Variants in GPHN observed in about 807,000 individuals in gnomAD.
The protein encoded by GPHN is gephyrin.
A neutral mutation model predicts 95.5 loss-of-function variants in GPHN; 17 were observed. The observed-to-expected ratio is 0.18, with a 90% CI of 0.12 to 0.27. GPHN has a LOEUF of 0.27. Among genes scored for constraint, GPHN ranks in the 10% least tolerant of loss-of-function variants. The pLI, the probability that GPHN is intolerant of heterozygous loss-of-function variation, is 1.00. For synonymous variants in GPHN, 320 were observed against 322.5 expected, an observed-to-expected ratio of 0.99 and a Z score of 0.08; for missense variants, 660 against 978.1, an observed-to-expected ratio of 0.67 and a Z score of 4.34.
At chr14:66,760,858 A>T (rs1396050146) in intron 2 of GPHN, 30 of 653,542 alleles carry the variant, frequency 4.6e-5, no homozygotes, top group South Asian at 3.3e-4. Context: ...ATTTATAATG[A>T]ACAGATTGAA....
the GPHN span, among the ~76,000 whole-genome samples, chr14:67,272,571 C>T: frequency 6.6e-6 from 1 of 152,146 alleles, no homozygotes. Flanking sequence ...TGACTTCTTT[C>T]TCCTCCTCCT....
chr14:66,615,410 G>A (rs1177571842), intron 1 of GPHN, among the ~76,000 whole-genome samples: 1 of 150,814 alleles, frequency 6.6e-6, no homozygotes, highest in East Asian at 1.9e-4. Flanking sequence ...CGTTCTGACT[G>A]GCATGAGATG....
At chr14:67,489,945 A>G in the GPHN span, among the ~76,000 whole-genome samples, 2 of 151,466 alleles carry the variant, frequency 1.3e-5, no homozygotes, top group South Asian at 2.1e-4. Context: ...ATCTGAGACC[A>G]CGCCACTGCA....
chr14:67,047,351 T>TGTGA (rs1402278998), intron 10 of GPHN, among the ~76,000 whole-genome samples: 42 of 140,658 alleles, frequency 3.0e-4, no homozygotes, highest in African/African-American at 1.0e-3. Flanking sequence ...TGTGTGTGTG[T>TGTGA]GTGTGTGTGT....
chr14:67,522,756 C>T, the GPHN span, among the ~76,000 whole-genome samples: 1 of 152,124 alleles, frequency 6.6e-6, no homozygotes, highest in Non-Finnish European at 1.5e-5. Flanking sequence ...GACAGCCAAG[C>T]CTGGAGCGGG....
intron 3 of GPHN, among the ~76,000 whole-genome samples, chr14:66,797,930 T>C (rs2060215760): frequency 6.6e-6 from 1 of 151,982 alleles, no homozygotes; most frequent in African/African-American, 2.4e-5. Context: ...TTTCAGTTTT[T>C]CCCCATTCAT....
chr14:66,736,130 T>C (rs2072242860), intron 2 of GPHN, among the ~76,000 whole-genome samples: 1 of 152,222 alleles, frequency 6.6e-6, no homozygotes, highest in African/African-American at 2.4e-5. Context: ...ATTTTATTAC[T>C]GTAAATAAAC....
rs915306167 is a variant in GPHN at position 66,548,886 on chromosome 14, T to C, written c.64+40295T>C. On this transcript the variant is annotated intron_variant, in intron 1 of 22. Coordinates refer to ENST00000478722, the MANE Select transcript of GPHN (RefSeq NM_020806.5). ...GCAGAGAACATTTATTCTGAGAGATTTGTATATTATACTTCTGAGGATCTA... is the reference window on the plus strand; with the variant it reads ...GCAGAGAACATTTATTCTGAGAGATCTGTATATTATACTTCTGAGGATCTA... 2.0e-5 allele frequency among the ~76,000 whole-genome samples: 3 copies of C among 152,346 alleles called. No homozygotes were observed. In the East Asian group the frequency reaches 5.8e-4, roughly 29 times the overall value.
At position 67,062,571 on chromosome 14, in the gene GPHN, G is replaced by T. The variant is rs1291087988; in HGVS notation, c.1144+3785G>T. Among the ~76,000 whole-genome samples, 4 of 151,612 alleles carry T rather than the reference G, an allele frequency of 2.6e-5. No individual in the cohort carries two copies. In the East Asian group the frequency reaches 7.8e-4, roughly 30 times the overall value. On this transcript the variant is annotated intron_variant, in intron 11 of 22. Transcript: ENST00000478722. ...AGAGAAAATGCTGAAAGTGATTGTTGTGAAGGTCATAGACACAGGGAACTC... is the reference window on the plus strand; with the variant it reads ...AGAGAAAATGCTGAAAGTGATTGTTTTGAAGGTCATAGACACAGGGAACTC...
At chr14:67,529,378 G>A in the GPHN span, among the ~76,000 whole-genome samples, 4 of 152,162 alleles carry the variant, frequency 2.6e-5, no homozygotes, top group East Asian at 1.9e-4. Context: ...TAAAGCCTGT[G>A]CCCAGAGTTG....
At chr14:67,119,456 G>A (rs1447882385) in intron 16 of GPHN, among the ~76,000 whole-genome samples, 1 of 152,174 alleles carries the variant, frequency 6.6e-6, no homozygotes, top group Admixed American at 6.5e-5. Context: ...CTTAATGATT[G>A]AGGCTTTTGG....
chr14:67,722,430 A>C, the GPHN span: 1 of 629,926 alleles, frequency 1.6e-6, no homozygotes, highest in African/African-American at 1.8e-5. Flanking sequence ...CCAGGACTAC[A>C]TCTCCCAGCA....
At chr14:67,208,525 TAACTC>T in the GPHN span, 4 of 1,442,968 alleles carry the variant, frequency 2.8e-6, no homozygotes, top group East Asian at 2.3e-5. Flanking sequence ...TTTAGTCTCT[TAACTC>T]AGGCATCTGC....
chr14:67,695,188 G>A, the GPHN span, among the ~76,000 whole-genome samples: 1 of 152,192 alleles, frequency 6.6e-6, no homozygotes, highest in East Asian at 1.9e-4. Flanking sequence ...TGGGGCCGCA[G>A]ATGTTACGAT....
At chr14:67,099,342 G>C (rs902881371) in intron 12 of GPHN, among the ~76,000 whole-genome samples, 2 of 151,838 alleles carry the variant, frequency 1.3e-5, no homozygotes, top group African/African-American at 4.8e-5. Context: ...GGCTGGTCTT[G>C]AACTCCCGAC....
At chr14:66,707,945 C>T (rs1374997326) in intron 2 of GPHN, among the ~76,000 whole-genome samples, 1 of 152,140 alleles carries the variant, frequency 6.6e-6, no homozygotes, top group Admixed American at 6.6e-5. Flanking sequence ...TCAAAATCCT[C>T]TCTTCTGCCT....
chr14:67,279,104 A>T, the GPHN span: 9 of 1,435,928 alleles, frequency 6.3e-6, no homozygotes, highest in Non-Finnish European at 8.3e-6. Context: ...TATACTACAG[A>T]ATCAAGAGAA....
intron 3 of GPHN, among the ~76,000 whole-genome samples, chr14:66,784,296 C>A (rs1170731214): frequency 6.6e-6 from 1 of 152,074 alleles, no homozygotes; most frequent in Non-Finnish European, 1.5e-5. Context: ...AAAGAACTGT[C>A]AACTACAAAT....
At chr14:66,828,215 C>T (rs1376455291) in intron 4 of GPHN, among the ~76,000 whole-genome samples, 5 of 151,656 alleles carry the variant, frequency 3.3e-5, no homozygotes, top group Non-Finnish European at 5.9e-5. Flanking sequence ...TTAAATAATA[C>T]TAATAAAATA....
Sources: gnomAD v4.1 joint callset for allele counts (sites outside exome capture counted in the v4.1 genomes callset) on GRCh38, gnomAD v4.1.1 for gene constraint, MANE v1.5 for transcripts, NCBI Gene and HGNC (gene_info 2026-07-23, HGNC 2026-07-21) for gene names.